The following NALF1 variants were observed in gnomAD, a reference collection of about 807,000 sequenced individuals.
NALF1 encodes family with sequence similarity 155 member A.
A neutral mutation model predicts 48.4 loss-of-function variants in NALF1; 3 were observed. That is an observed-to-expected ratio of 0.06 (90% CI 0.03 to 0.16). The LOEUF (loss-of-function observed/expected upper bound fraction) is 0.16. NALF1 is among the 10% of genes least tolerant of loss of function. The pLI is 1.00. For synonymous variants in NALF1, 262 were observed against 245.7 expected (o/e 1.07, Z -0.62); for missense variants, 526 against 571.5 (o/e 0.92, Z 0.81).
chr13:107,659,322 T>TC (rs2138475160), intron 1 of NALF1, among the ~76,000 whole-genome samples: 1 of 152,308 alleles, frequency 6.6e-6, no homozygotes, highest in African/African-American at 2.4e-5. Context: ...TATCTTTTTT[T>TC]CCCACTAGAT....
At chr13:107,680,498 A>C (rs949012409) in intron 1 of NALF1, among the ~76,000 whole-genome samples, 1 of 151,980 alleles carries the variant, frequency 6.6e-6, no homozygotes, top group Admixed American at 6.6e-5. Flanking sequence ...GAGGATGGGC[A>C]TGTGTATGCA....
intron 1 of NALF1, among the ~76,000 whole-genome samples, chr13:107,661,462 A>G (rs1000273381): frequency 5.3e-5 from 8 of 152,196 alleles, no homozygotes; most frequent in Admixed American, 4.6e-4. Flanking sequence ...GTTATCACAG[A>G]ATGTCCAACA....
intron 1 of NALF1, among the ~76,000 whole-genome samples, chr13:107,518,840 T>C (rs1594106493): frequency 6.6e-6 from 1 of 152,130 alleles, no homozygotes; most frequent in African/African-American, 2.4e-5. Flanking sequence ...AAAAGTGAAT[T>C]TGAAGTAGAA....
chr13:107,278,910 C>G (rs548229885), intron 1 of NALF1, among the ~76,000 whole-genome samples: 1 of 152,186 alleles, frequency 6.6e-6, no homozygotes, highest in South Asian at 2.1e-4. Flanking sequence ...TTATCCTTTC[C>G]ATATTGCAGT....
chr13:107,613,807 A>G (rs1879304080), intron 1 of NALF1, among the ~76,000 whole-genome samples: 1 of 152,218 alleles, frequency 6.6e-6, no homozygotes, highest in South Asian at 2.1e-4. Context: ...TAGAATGTAG[A>G]AATAAAAATT....
chr13:107,203,880 T>C (rs1046186370), intron 2 of NALF1, among the ~76,000 whole-genome samples: 1 of 152,072 alleles, frequency 6.6e-6, no homozygotes, highest in Non-Finnish European at 1.5e-5. Flanking sequence ...CCAAAGGCTG[T>C]CGAGGTGAGC....
At chr13:107,208,070 T>A (rs972600245) in intron 2 of NALF1, among the ~76,000 whole-genome samples, 1 of 152,212 alleles carries the variant, frequency 6.6e-6, no homozygotes, top group Non-Finnish European at 1.5e-5. Context: ...GAAAAGAAGA[T>A]CAATATGAAA....
intron 2 of NALF1, among the ~76,000 whole-genome samples, chr13:107,176,241 T>C (rs1205346296): frequency 6.6e-6 from 1 of 152,072 alleles, no homozygotes; most frequent in Admixed American, 6.5e-5. Context: ...TGATATATTT[T>C]GCTTATAAGC....
intron 1 of NALF1, among the ~76,000 whole-genome samples, chr13:107,837,053 C>T (rs78688794): frequency 0.045 from 6,868 of 152,140 alleles, 311 homozygotes; most frequent in East Asian, 0.21. Context: ...TTTTCTGCTA[C>T]GATCTCTTTA....
intron 1 of NALF1, among the ~76,000 whole-genome samples, chr13:107,644,626 TATAC>T (rs1029539115): frequency 0.012 from 1,513 of 124,504 alleles, 75 homozygotes; most frequent in African/African-American, 0.038. Flanking sequence ...TGTGTGTGTG[TATAC>T]ATACATACAT....
In NALF1 at chr13:107,788,123, C is replaced by T. The variant is rs138652988; in HGVS notation, c.915+77559G>A. Among the ~76,000 whole-genome samples, 165 of 152,256 alleles carry T rather than the reference C, an allele frequency of 1.1e-3. 3 individuals are homozygous for T. The highest frequency in any genetic ancestry group is 3.7e-3 in the African/African-American group (154 of 41,560). Reference sequence around the variant, plus strand: ...TCCTTAGCATTTAAATCTTCTTCATCCTCCTTGTTTGAATCCTGTCTATTG... The same window carrying T: ...TCCTTAGCATTTAAATCTTCTTCATTCTCCTTGTTTGAATCCTGTCTATTG... On this transcript the variant is annotated intron_variant, in intron 1 of 2. Coordinates refer to ENST00000375915, the MANE Select transcript of NALF1 (RefSeq NM_001080396.3).
chr13:107,191,140 TTC>T (rs1480088008), intron 2 of NALF1, among the ~76,000 whole-genome samples: 1 of 152,198 alleles, frequency 6.6e-6, no homozygotes, highest in Non-Finnish European at 1.5e-5. Context: ...CTTGGATTAT[TTC>T]TCTGTTTTGA....
Position 107,525,468 on chromosome 13 carries a change from G to C in NALF1, c.916-314713C>G, listed in dbSNP as rs1876399909. ...CAATATTTCATTTCTTTTTATTGCT[G>C]ACTAGAATTTCATAGTATAGTTGTA... On this transcript the variant is annotated intron_variant, in intron 1 of 2. Coordinates refer to ENST00000375915, the MANE Select transcript of NALF1 (RefSeq NM_001080396.3). Among the ~76,000 whole-genome samples the C allele has an allele frequency of 2.0e-5, 3 of 152,014 alleles. No individual in the cohort carries two copies. In the South Asian group the frequency reaches 6.2e-4, roughly 32 times the overall value.
intron 1 of NALF1, among the ~76,000 whole-genome samples, chr13:107,246,728 A>G (rs1880593333): frequency 1.3e-5 from 2 of 152,306 alleles, no homozygotes; most frequent in South Asian, 4.1e-4. Flanking sequence ...AGAAAATTAT[A>G]GTTTATATTT....
chr13:107,476,699 C>T (rs879302062), intron 1 of NALF1, among the ~76,000 whole-genome samples: 2 of 151,922 alleles, frequency 1.3e-5, no homozygotes, highest in East Asian at 1.9e-4. Flanking sequence ...CGTGGAGCTG[C>T]AAATTTTTGC....
intron 1 of NALF1, among the ~76,000 whole-genome samples, chr13:107,448,262 G>A (rs1884682640): frequency 6.6e-6 from 1 of 152,104 alleles, no homozygotes; most frequent in African/African-American, 2.4e-5. Context: ...GCCACTGTGT[G>A]ACGACTGGAG....
intron 1 of NALF1, among the ~76,000 whole-genome samples, chr13:107,791,766 C>G (rs529378368): frequency 7.3e-6 from 1 of 136,610 alleles, no homozygotes; most frequent in South Asian, 2.6e-4. Context: ...GCCTGGCCAA[C>G]GTGGTGATCC....
At chr13:107,357,588 G>T (rs1882985748) in intron 1 of NALF1, among the ~76,000 whole-genome samples, 1 of 152,136 alleles carries the variant, frequency 6.6e-6, no homozygotes. Flanking sequence ...ACTTCTAGTT[G>T]AGGGACCAGG....
At chr13:107,352,800 A>T (rs1882900093) in intron 1 of NALF1, among the ~76,000 whole-genome samples, 1 of 152,132 alleles carries the variant, frequency 6.6e-6, no homozygotes, top group Admixed American at 6.6e-5. Context: ...AGCCACCCCA[A>T]ATACAAGAAG....
Sources: allele counts gnomAD v4.1 joint callset (sites outside exome capture counted in the v4.1 genomes callset), GRCh38; gene constraint gnomAD v4.1.1; transcripts MANE v1.5; gene names NCBI Gene and HGNC (gene_info 2026-07-23, HGNC 2026-07-21).